Variants in ACTN1 observed in about 807,000 individuals in gnomAD.
ACTN1 encodes alpha-actinin-1.
A neutral mutation model predicts 119.6 loss-of-function variants in ACTN1; 30 were observed. The ratio of observed to expected loss-of-function variants is 0.25; its 90% CI spans 0.19 to 0.34. The LOEUF is 0.34. Ranked by LOEUF, ACTN1 falls within the 10% of genes least tolerant of loss-of-function variation. The pLI is 1.00. For synonymous variants in ACTN1, 429 were observed against 472.6 expected (o/e 0.91, Z 1.20); for missense variants, 764 against 1,223.4 (o/e 0.62, Z 5.60).
chr14:68,932,513 CTTTTT>C (rs753725900), intron 1 of ACTN1, among the ~76,000 whole-genome samples: 2,386 of 87,248 alleles, frequency 0.027, 73 homozygotes, highest in African/African-American at 0.1. Flanking sequence ...ATACACCCAG[CTTTTT>C]TTTTTTTTTT....
At chr14:68,905,040 C>T (rs2033582211) in intron 6 of ACTN1, among the ~76,000 whole-genome samples, 1 of 152,228 alleles carries the variant, frequency 6.6e-6, no homozygotes, top group Non-Finnish European at 1.5e-5. Flanking sequence ...AAGGGCAGGG[C>T]ACTGGCCTAG....
chr14:68,915,072 C>G (rs536057451), intron 3 of ACTN1, among the ~76,000 whole-genome samples: 1 of 152,164 alleles, frequency 6.6e-6, no homozygotes, highest in Admixed American at 6.5e-5. Flanking sequence ...TATCACACCC[C>G]GTACTTAGAA....
chr14:68,885,481 G>A lies in ACTN1; in HGVS notation c.1329C>T (p.Asp443=). Residue 443 remains aspartate, a synonymous_variant, in exon 12 of 22, where the codon GAC becomes GAT. Transcript: ENST00000394419. This position sits in a 1 kb window ranked among gnomAD's most constrained non-coding sequence, Gnocchi z 5.6. ...LLKKHEAFES[D]LAAHQDRVEQ... The stretch of plus-strand genomic sequence containing the variant: ...CCACACGGTCCTGGTGGGCAGCCAG[G>A]TCACTCTCGAAGGCCTCATGCTTCT... The A allele has an allele frequency of 2.5e-6, 4 of 1,614,128 alleles. No individual in the cohort carries two copies. The highest frequency in any genetic ancestry group is 3.4e-6 in the Non-Finnish European group (4 of 1,180,030).
Position 68,879,232 on chromosome 14 carries a change from C to T in ACTN1, c.2281-163G>A, listed in dbSNP as rs972101658. Among the ~76,000 whole-genome samples, 22 of 151,528 alleles carry T rather than the reference C, an allele frequency of 1.5e-4. No homozygotes were observed. Among genetic ancestry groups the T allele is most frequent in the South Asian group, 4.2e-4 (2 of 4,786 alleles). ...GGAGGAGGGGAAATAAAAGTGCACACGGTTAGACACACCAACGAGGCTCCA... is the reference window on the plus strand; with the variant it reads ...GGAGGAGGGGAAATAAAAGTGCACATGGTTAGACACACCAACGAGGCTCCA... On this transcript the variant is annotated intron_variant, in intron 18 of 21. Coordinates refer to ENST00000394419, the MANE Select transcript of ACTN1 (RefSeq NM_001130004.2). The surrounding 1 kb of genome is among the most constrained non-coding windows in gnomAD (Gnocchi z 4.9).
intron 8 of ACTN1, among the ~76,000 whole-genome samples, chr14:68,897,996 C>A (rs925570797): frequency 1.3e-5 from 2 of 152,278 alleles, no homozygotes; most frequent in Non-Finnish European, 2.9e-5. Flanking sequence ...AGCCTTCCCC[C>A]CACAGACCTC....
At chr14:68,898,480 T>C (rs1192642538) in intron 8 of ACTN1, among the ~76,000 whole-genome samples, 3 of 152,028 alleles carry the variant, frequency 2.0e-5, no homozygotes, top group African/African-American at 4.8e-5. Flanking sequence ...CCATACAAGG[T>C]TGGGCGACAG....
chr14:68,958,138 C>T (rs544768919), intron 1 of ACTN1, among the ~76,000 whole-genome samples: 1 of 152,356 alleles, frequency 6.6e-6, no homozygotes, highest in East Asian at 1.9e-4. Flanking sequence ...GATAATTTAA[C>T]ATTTCCTCCC....
In ACTN1 at chr14:68,946,148, C is replaced by G. The variant is rs75442387; in HGVS notation, c.106-20476G>C. Among the ~76,000 whole-genome samples, 964 of 152,190 alleles carry G rather than the reference C, an allele frequency of 6.3e-3. 6 individuals carry two copies. The highest frequency in any genetic ancestry group is 1.0e-2 in the Non-Finnish European group (679 of 67,980). On this transcript the variant is annotated intron_variant, in intron 1 of 21. Transcript: ENST00000394419. ...CCCCGGCCACACTCTCACAACTGTCCGTAACAGGGCCCCTCCGCTCACAGC... is the reference window on the plus strand; with the variant it reads ...CCCCGGCCACACTCTCACAACTGTCGGTAACAGGGCCCCTCCGCTCACAGC...
intron 1 of ACTN1, among the ~76,000 whole-genome samples, chr14:68,951,569 C>G (rs530192277): frequency 1.3e-5 from 2 of 152,198 alleles, no homozygotes; most frequent in Non-Finnish European, 2.9e-5. Flanking sequence ...GCTGTGTGCC[C>G]TTGACTCCGT....
At chr14:68,901,908 G>C (rs913190376) in intron 8 of ACTN1, among the ~76,000 whole-genome samples, 3 of 152,162 alleles carry the variant, frequency 2.0e-5, no homozygotes, top group African/African-American at 7.2e-5. Context: ...TGAGAACACA[G>C]AGTGCAGCAT....
At position 68,909,242 on chromosome 14, in the gene ACTN1, C is replaced by G; in HGVS notation, c.594+76G>C. On this transcript the variant is annotated intron_variant, in intron 6 of 21. Coordinates refer to ENST00000394419, the MANE Select transcript of ACTN1 (RefSeq NM_001130004.2). This position sits in a 1 kb window ranked among gnomAD's most constrained non-coding sequence, Gnocchi z 4.1. The stretch of plus-strand genomic sequence containing the variant: ...CAGGCTGGACCATGGACTGTCACAA[C>G]AAGGGTCCTAGTCCTGCTCTTTTCC... 1 of 1,420,052 alleles carries G rather than the reference C, an allele frequency of 7.0e-7. No individual in the cohort carries two copies. Among genetic ancestry groups the G allele is most frequent in the Admixed American group, 1.7e-5 (1 of 59,202 alleles). The allele number at this position is 1,420,052 out of a possible 1,614,324, so 88.0% of individuals were successfully genotyped here. A position where few individuals can be genotyped will look rare whatever the true frequency, so the allele number is the denominator to read the frequency against.
At chr14:68,893,521 T>TGCAGG in intron 9 of ACTN1, 134 bp downstream of exon 9, 1 of 810,484 alleles carries the variant, frequency 1.2e-6, no homozygotes, top group Admixed American at 2.7e-5. Context: ...GAGCTCAGGC[T>TGCAGG]GCCCTGGACT....
At chr14:68,914,213 T>G (rs1394547727) in intron 3 of ACTN1, among the ~76,000 whole-genome samples, 1 of 151,532 alleles carries the variant, frequency 6.6e-6, no homozygotes, top group Non-Finnish European at 1.5e-5. Context: ...AATGAATAAA[T>G]AAAATAAAAA....
chr14:68,919,937 T>G (rs1293631687), intron 3 of ACTN1, among the ~76,000 whole-genome samples: 1 of 152,208 alleles, frequency 6.6e-6, no homozygotes, highest in African/African-American at 2.4e-5. Context: ...AGTTCTCCAT[T>G]TGATAAATAT....
intron 7 of ACTN1, 63 bp from the exon 8 acceptor site, chr14:68,902,625 G>A: frequency 2.1e-6 from 3 of 1,395,850 alleles, no homozygotes; most frequent in Non-Finnish European, 3.0e-6. Flanking sequence ...CCCCCGACGT[G>A]AGGCAGAAAG....
chr14:68,940,355 A>G (rs1411276260), intron 1 of ACTN1, among the ~76,000 whole-genome samples: 2 of 152,030 alleles, frequency 1.3e-5, no homozygotes, highest in Admixed American at 1.3e-4. Context: ...TACTCATACA[A>G]TATGGGAACC....
intron 8 of ACTN1, 63 bp from the exon 9 acceptor site, chr14:68,893,810 A>T (rs2032688349): frequency 2.0e-6 from 3 of 1,509,632 alleles, no homozygotes; most frequent in Non-Finnish European, 2.7e-6. Context: ...CCTGGTACAC[A>T]CCTGTGCTGA....
chr14:68,959,062 C>T (rs943620712), intron 1 of ACTN1, among the ~76,000 whole-genome samples: 1 of 152,210 alleles, frequency 6.6e-6, no homozygotes, highest in Non-Finnish European at 1.5e-5. Flanking sequence ...ATTACTTTTG[C>T]ACCAACCTAT....
Position 68,879,746 on chromosome 14 carries a change from ACT to A in ACTN1, c.2280+214_2280+215del. The A allele has an allele frequency of 3.5e-6, 2 of 572,040 alleles. No homozygotes were observed. Among genetic ancestry groups the A allele is most frequent in the South Asian group, 2.2e-5 (1 of 45,076 alleles). The allele number at this position is 572,040 out of a possible 1,614,324, so 35.4% of individuals were successfully genotyped here. Reference sequence around the variant, plus strand: ...TCCTCTTTCTACCCACAGTCTGAACACTCTCTCCCGGAAAGCAGGGAAGCTTA... The same window carrying A: ...TCCTCTTTCTACCCACAGTCTGAACACTCTCCCGGAAAGCAGGGAAGCTTA... On this transcript the variant is annotated intron_variant, in intron 18 of 21. Coordinates refer to ENST00000394419, the MANE Select transcript of ACTN1 (RefSeq NM_001130004.2). The surrounding 1 kb of genome is among the most constrained non-coding windows in gnomAD (Gnocchi z 4.9).
Sources: gnomAD v4.1 joint callset for allele counts (sites outside exome capture counted in the v4.1 genomes callset) on GRCh38, gnomAD v4.1.1 for gene constraint, Gnocchi (gnomAD v3.1) non-coding constraint, MANE v1.5 for transcripts, NCBI Gene and HGNC (gene_info 2026-07-23, HGNC 2026-07-21) for gene names.